The following LRP1B variants were observed in gnomAD, a reference collection of about 807,000 sequenced individuals.
LRP1B encodes the protein low-density lipoprotein receptor-related protein 1B.
A neutral mutation model predicts 556.6 loss-of-function variants in LRP1B; 217 were observed. That is an observed-to-expected ratio of 0.39 (90% CI 0.35 to 0.44). LRP1B has a LOEUF of 0.44. Among genes scored for constraint, LRP1B ranks in the 20% least tolerant of loss-of-function variants. LRP1B has a pLI of 1.00. For synonymous variants in LRP1B, 2,047 were observed against 1,865.8 expected, an observed-to-expected ratio of 1.10 and a Z score of -2.50; for missense variants, 5,053 against 5,620.8, an observed-to-expected ratio of 0.90 and a Z score of 3.23.
chr2:140,562,984 A>C (rs1680988551), intron 43 of LRP1B, among the ~76,000 whole-genome samples: 1 of 152,182 alleles, frequency 6.6e-6, no homozygotes, highest in African/African-American at 2.4e-5. Flanking sequence ...CAAGGAACTT[A>C]AATTACTGTT....
At chr2:142,038,745 C>A (rs758583758) in intron 1 of LRP1B, among the ~76,000 whole-genome samples, 2 of 151,576 alleles carry the variant, frequency 1.3e-5, no homozygotes, top group African/African-American at 2.4e-5. Flanking sequence ...TTAGGCAAAA[C>A]CACCAAGTGA....
At chr2:140,770,306 T>A (rs921251355) in intron 34 of LRP1B, among the ~76,000 whole-genome samples, 2 of 151,936 alleles carry the variant, frequency 1.3e-5, no homozygotes, top group Admixed American at 1.3e-4. Flanking sequence ...ATTTCTCAAA[T>A]AAGATTGGAA....
At chr2:141,601,984 T>G (rs1687762570) in intron 2 of LRP1B, among the ~76,000 whole-genome samples, 1 of 152,144 alleles carries the variant, frequency 6.6e-6, no homozygotes, top group Non-Finnish European at 1.5e-5. Flanking sequence ...GTGTCAGCAG[T>G]TCTACTCAGA....
rs534209138 is a variant in LRP1B at position 140,543,923 on chromosome 2, A to T, written c.7195-1952T>A. 3.6e-4 allele frequency among the ~76,000 whole-genome samples: 55 copies of T among 152,178 alleles called. 1 individual carries two copies. Among genetic ancestry groups the T allele is most frequent in the Middle Eastern group, 6.8e-3 (2 of 294 alleles). On this transcript the variant is annotated intron_variant, in intron 43 of 90. Coordinates refer to ENST00000389484, the MANE Select transcript of LRP1B (RefSeq NM_018557.3). ...ATTGAAATAGGAAATAACTATTTAC[A>T]ATAGCCTCTACAAATATAAAATATT...
chr2:140,278,729 AT>A (rs1558766595), intron 84 of LRP1B, among the ~76,000 whole-genome samples: 1 of 152,100 alleles, frequency 6.6e-6, no homozygotes, highest in Admixed American at 6.6e-5. Flanking sequence ...AAGCCATGCC[AT>A]TTTTTCCCCT....
At position 141,715,890 on chromosome 2, in the gene LRP1B, A is replaced by G. The variant is rs187638763; in HGVS notation, c.205+94389T>C. On this transcript the variant is annotated intron_variant, in intron 2 of 90. Coordinates refer to ENST00000389484, the MANE Select transcript of LRP1B (RefSeq NM_018557.3). ...AAACAAAAACCTAGTAATTGTTTCA[A>G]AGACTGTGGTTGCTAAAATAGCATT... 2.6e-5 allele frequency among the ~76,000 whole-genome samples: 4 copies of G among 152,316 alleles called. No homozygotes were observed. The East Asian group carries it at 7.7e-4, about 29-fold the overall frequency.
At chr2:140,497,335 C>G (rs1053361253) in intron 55 of LRP1B, among the ~76,000 whole-genome samples, 9 of 151,896 alleles carry the variant, frequency 5.9e-5, no homozygotes, top group Non-Finnish European at 1.3e-4. Context: ...TTCATTATAT[C>G]TCACTGAGTG....
chr2:140,646,293 T>G (rs1684481670), intron 41 of LRP1B, among the ~76,000 whole-genome samples: 1 of 152,216 alleles, frequency 6.6e-6, no homozygotes, highest in Non-Finnish European at 1.5e-5. Flanking sequence ...ATTAAAAACC[T>G]GGCAGGTAGA....
chr2:140,345,894 C>G (rs1029231639), intron 77 of LRP1B, among the ~76,000 whole-genome samples: 1 of 144,376 alleles, frequency 6.9e-6, no homozygotes, highest in African/African-American at 2.6e-5. Flanking sequence ...AATAGCATTA[C>G]TTCTTTCTCA....
chr2:141,920,287 G>C (rs1187388821), intron 1 of LRP1B, among the ~76,000 whole-genome samples: 3 of 133,142 alleles, frequency 2.3e-5, no homozygotes, highest in Non-Finnish European at 3.2e-5. Context: ...TTTGGGGGGG[G>C]GTGGTAGGGA....
intron 3 of LRP1B, among the ~76,000 whole-genome samples, chr2:141,414,249 A>AAAAAG (rs1201246458): frequency 3.1e-4 from 47 of 150,804 alleles, no homozygotes; most frequent in African/African-American, 1.0e-3. Context: ...AAAAAAAAAA[A>AAAAAG]AAAAGAAAAA....
At position 140,957,190 on chromosome 2, in the gene LRP1B, T is replaced by C. The variant is rs1000000436; in HGVS notation, c.2888-5250A>G. 4.6e-5 allele frequency among the ~76,000 whole-genome samples: 7 copies of C among 151,804 alleles called. No homozygotes were observed. The East Asian group carries it at 9.7e-4, about 21-fold the overall frequency. ...CAAACTAATCTCGGCTATTTATGTA[T>C]TGCTTCCCAGAGAAAGGGATATAAA... is the stretch of plus-strand genomic sequence containing the variant. On this transcript the variant is annotated intron_variant, in intron 18 of 90. Coordinates refer to ENST00000389484, the MANE Select transcript of LRP1B (RefSeq NM_018557.3).
chr2:140,940,542 A>T (rs1695368833), intron 20 of LRP1B, among the ~76,000 whole-genome samples: 1 of 152,182 alleles, frequency 6.6e-6, no homozygotes, highest in Admixed American at 6.6e-5. Context: ...CCTTTTCACA[A>T]GAACCTTGCA....
intron 83 of LRP1B, among the ~76,000 whole-genome samples, chr2:140,299,972 G>GA (rs1206354763): frequency 2.6e-5 from 4 of 151,902 alleles, no homozygotes; most frequent in Non-Finnish European, 5.9e-5. Context: ...ATTAGGGTTG[G>GA]AAAAAGAAGT....
intron 84 of LRP1B, among the ~76,000 whole-genome samples, chr2:140,292,116 A>AC (rs1683413586): frequency 4.6e-5 from 7 of 152,134 alleles, no homozygotes; most frequent in African/African-American, 7.2e-5. Flanking sequence ...GGAGAAGCCT[A>AC]GTTTTCAGAG....
intron 41 of LRP1B, among the ~76,000 whole-genome samples, chr2:140,681,329 TATTA>T (rs1685852457): frequency 6.6e-6 from 1 of 152,190 alleles, no homozygotes; most frequent in African/African-American, 2.4e-5. Flanking sequence ...GAGCATCATC[TATTA>T]ATTCATTCAC....
At chr2:142,116,825 A>G (rs542996641) in intron 1 of LRP1B, among the ~76,000 whole-genome samples, 12 of 152,174 alleles carry the variant, frequency 7.9e-5, no homozygotes, top group African/African-American at 2.4e-4. Flanking sequence ...GTCTGAAGTC[A>G]GTGTGTGGTA....
chr2:141,165,671 C>A (rs2105124822), intron 7 of LRP1B, among the ~76,000 whole-genome samples: 1 of 151,878 alleles, frequency 6.6e-6, no homozygotes, highest in African/African-American at 2.4e-5. Context: ...ATAATTGAAC[C>A]ATTAAGGAAA....
chr2:140,509,900 G>A (rs528929556), intron 52 of LRP1B, 28 bp downstream of exon 52: 2 of 1,593,000 alleles, frequency 1.3e-6, no homozygotes, highest in East Asian at 4.5e-5. Flanking sequence ...AGTTTTCTTT[G>A]ACATGCAGCC....
Sources: allele counts gnomAD v4.1 joint callset (sites outside exome capture counted in the v4.1 genomes callset), GRCh38; gene constraint gnomAD v4.1.1; transcripts MANE v1.5; gene names NCBI Gene and HGNC (gene_info 2026-07-23, HGNC 2026-07-21).